Variants in RADX observed in about 807,000 individuals in gnomAD.
RADX encodes RPA-related protein RADX.
In RADX, 36 loss-of-function variants were observed where a neutral mutation model predicts 61.6. That is an observed-to-expected ratio of 0.58 (90% CI 0.45 to 0.77). RADX has a LOEUF of 0.77. Among genes scored for constraint, RADX ranks in the 30% least tolerant of loss-of-function variants. RADX has a pLI of 0.00. For missense variants in RADX, 497 were observed against 651.1 expected, an observed-to-expected ratio of 0.76 and a Z score of 2.58; for synonymous variants, 272 against 237.9, an observed-to-expected ratio of 1.14 and a Z score of -1.32.
chrX:106,638,126 A>C (rs1286815742), intron 8 of RADX: 1 of 368,645 alleles, frequency 2.7e-6, no homozygotes, highest in Non-Finnish European at 4.7e-6. Flanking sequence ...TATATCTCGC[A>C]TGGTGCTCTA....
intron 12 of RADX, among the ~76,000 whole-genome samples, chrX:106,664,363 C>T (rs774635270): frequency 9.9e-5 from 11 of 110,688 alleles, no homozygotes; most frequent in Non-Finnish European, 1.9e-4. Flanking sequence ...ATTCTCTAAA[C>T]GTATCATCTG....
At chrX:106,631,799 AAAG>A (rs757899284) in intron 3 of RADX, among the ~76,000 whole-genome samples, 3 of 108,318 alleles carry the variant, frequency 2.8e-5, no homozygotes, top group South Asian at 7.9e-4. Context: ...AAAGAGAAAG[AAAG>A]AAGAAAGAAA....
At chrX:106,648,500 A>G in intron 11 of RADX, 114 bp downstream of exon 11, 1 of 488,394 alleles carries the variant, frequency 2.0e-6, no homozygotes, top group Non-Finnish European at 3.5e-6. Flanking sequence ...TATACTTTGC[A>G]TATAGTAATA....
chrX:106,616,733 C>T (rs1451309144), intron 1 of RADX, among the ~76,000 whole-genome samples: 1 of 110,593 alleles, frequency 9.0e-6, no homozygotes, highest in Non-Finnish European at 1.9e-5. Context: ...TGTTTTCCAT[C>T]TTTCAAATCC....
At chrX:106,638,537 C>CA (rs1927422063) in intron 8 of RADX, 1 of 112,234 alleles carries the variant, frequency 8.9e-6, no homozygotes, top group African/African-American at 3.2e-5. Flanking sequence ...GCTGGGATTA[C>CA]AGGCGTGAGC....
Position 106,637,924 on chromosome X carries a change from G to A in RADX, c.1573G>A (p.Val525Ile). The A allele has an allele frequency of 8.4e-7, 1 of 1,191,506 alleles. No homozygotes were observed. Among genetic ancestry groups the A allele is most frequent in the East Asian group, 3.0e-5 (1 of 33,668 alleles). ...TTCCAAGTATAGTAGTTCTATTAAA[G>A]GTACTAATGTAATTGCCAGTCCTTC... ...TFSKYSSSIK[V>I]ESLLTAISEV... Residue 525 changes from valine (V) to isoleucine (I), a missense_variant and splice_region_variant, in exon 8 of 14, where the codon GTT becomes ATT. This residue lies in a region of RADX where 267 missense variants were observed against 306.9 expected (regional missense o/e 0.87). Coordinates refer to ENST00000372548, the MANE Select transcript of RADX (RefSeq NM_018015.6).
rs1234528810 is a variant in RADX at position 106,639,527 on chromosome X, T to C, written c.1574T>C (p.Val525Ala). 2.6e-6 allele frequency: 3 copies of C among 1,174,130 alleles called. No homozygotes were observed. The highest frequency in any genetic ancestry group is 3.4e-6 in the Non-Finnish European group (3 of 877,718). Residue 525 changes from valine (V) to alanine (A), a missense_variant and splice_region_variant, in exon 9 of 14, where the codon GTT becomes GCT. By Grantham distance (64) the Val-to-Ala change is moderately conservative (BLOSUM62 0). Transcript: ENST00000372548. Reference sequence around the variant, plus strand: ...ACAATTTTCTTGGACTTTTTTGCAGTTGAGTCGCTCTTGACAGCTATAAGT... The same window carrying C: ...ACAATTTTCTTGGACTTTTTTGCAGCTGAGTCGCTCTTGACAGCTATAAGT... ...TFSKYSSSIKVESLLTAISEV... is the reference protein window; with the variant it reads ...TFSKYSSSIKAESLLTAISEV...
intron 11 of RADX, among the ~76,000 whole-genome samples, chrX:106,650,514 G>A (rs946174699): frequency 9.0e-6 from 1 of 110,614 alleles, no homozygotes; most frequent in South Asian, 3.9e-4. Flanking sequence ...ACACATGGAA[G>A]AATTTATACC....
At chrX:106,618,780 C>G (rs368382389) in intron 1 of RADX, among the ~76,000 whole-genome samples, 88 of 110,398 alleles carry the variant, frequency 8.0e-4, no homozygotes, top group African/African-American at 2.6e-3. Context: ...CAGCCTGGAC[C>G]AAAAGAGTGA....
At position 106,633,267 on chromosome X, in the gene RADX, A is replaced by G; in HGVS notation, c.1303+15A>G. ...TATTTACCCAAGTAAGCGATTTTTA[A>G]TATTTTTATATTATGTTTGGAAGTA... On this transcript the variant is annotated intron_variant, in intron 6 of 13. Transcript: ENST00000372548. The G allele has an allele frequency of 8.5e-7, 1 of 1,170,313 alleles. No individual in the cohort carries two copies. The highest frequency in any genetic ancestry group is 1.9e-5 in the South Asian group (1 of 53,897).
chrX:106,626,819 C>T (rs147861033), intron 3 of RADX, among the ~76,000 whole-genome samples: 1,756 of 111,610 alleles, frequency 0.016, 11 homozygotes, highest in Non-Finnish European at 0.023. Flanking sequence ...TTAATGTTAG[C>T]AGCAGTCTCT....
intron 10 of RADX, 57 bp downstream of exon 10, chrX:106,640,778 A>G (rs1322056714): frequency 2.4e-6 from 2 of 824,590 alleles, no homozygotes; most frequent in East Asian, 3.5e-5. Flanking sequence ...GGTTATCTCT[A>G]CCCTGTAAAA....
Position 106,678,358 on chromosome X carries a change from A to G in RADX, c.*100A>G, listed in dbSNP as rs763145823. ...TTCAGTAACTGTTTTCAGCAAGAAT[A>G]TTACATGAGCTCTAAAGTTATTAAG... On this transcript the variant is annotated 3_prime_UTR_variant, in exon 14 of 14. Coordinates refer to ENST00000372548, the MANE Select transcript of RADX (RefSeq NM_018015.6). 1.7e-6 allele frequency: 1 copy of G among 592,110 alleles called. No individual in the cohort carries two copies. The highest frequency in any genetic ancestry group is 3.9e-5 in the South Asian group (1 of 25,336). 48.8% of individuals were successfully genotyped at this position (592,110 alleles called of 1,213,427 possible).
At chrX:106,667,621 G>T (rs754778263) in intron 12 of RADX, among the ~76,000 whole-genome samples, 1 of 111,294 alleles carries the variant, frequency 9.0e-6, no homozygotes, top group East Asian at 2.8e-4. Context: ...CACCACACCC[G>T]ACCAGAACTC....
chrX:106,669,405 A>T, intron 13 of RADX, 75 bp downstream of exon 13: 4 of 691,502 alleles, frequency 5.8e-6, no homozygotes. Flanking sequence ...AGATTTTATT[A>T]TGTAAACAGT....
chrX:106,671,616 A>T (rs1487565501), intron 13 of RADX, among the ~76,000 whole-genome samples: 1 of 111,805 alleles, frequency 8.9e-6, no homozygotes, highest in Non-Finnish European at 1.9e-5. Context: ...TAAAATGGTG[A>T]TGCTAATTTA....
chrX:106,651,701 A>G (rs1473553077), intron 11 of RADX, among the ~76,000 whole-genome samples: 1 of 111,423 alleles, frequency 9.0e-6, no homozygotes. Context: ...TGGAAAATAG[A>G]GATTTATATA....
rs200983067 is a variant in RADX, at chrX:106,631,859, GAAAA to G, written c.980-765_980-762del. ...AAGAAAGAAAAAAGAAAGAAAAAGA[GAAAA>G]GAAAGAAAGAAAGTTAGTTGACAAT... On this transcript the variant is annotated intron_variant, in intron 3 of 13. Coordinates refer to ENST00000372548, the MANE Select transcript of RADX (RefSeq NM_018015.6). Among the ~76,000 whole-genome samples the G allele has an allele frequency of 6.0e-3, 664 of 110,894 alleles. 5 individuals are homozygous for G. The highest frequency in any genetic ancestry group is 0.018 in the African/African-American group (561 of 30,628).
rs759498925 is a variant in RADX, at chrX:106,633,396, A to G, written c.1303+144A>G. ...GACAGCATGTTTAAATCTTTTCTAT[A>G]TTAATATCGTTTTTTATAGACATTA... On this transcript the variant is annotated intron_variant, in intron 6 of 13. Coordinates refer to ENST00000372548, the MANE Select transcript of RADX (RefSeq NM_018015.6). 437 of 459,725 alleles carry G rather than the reference A, an allele frequency of 9.5e-4. 1 individual carries two copies. Among genetic ancestry groups the G allele is most frequent in the Non-Finnish European group, 1.4e-3 (406 of 283,966 alleles). 37.9% of individuals were successfully genotyped at this position (459,725 alleles called of 1,213,427 possible).
Sources: gnomAD v4.1 joint callset for allele counts (sites outside exome capture counted in the v4.1 genomes callset) on GRCh38, gnomAD v4.1.1 for gene constraint, gnomAD v4.1.1 regional missense constraint, MANE v1.5 for transcripts, NCBI Gene and HGNC (gene_info 2026-07-23, HGNC 2026-07-21) for gene names.